Variants in C15orf39 observed in about 807,000 individuals in gnomAD.
The protein encoded by C15orf39 is uncharacterized protein C15orf39.
In C15orf39, 24 loss-of-function variants were observed where a neutral mutation model predicts 53.9. The ratio of observed to expected loss-of-function variants is 0.45; its 90% CI spans 0.32 to 0.63. The LOEUF is 0.63. Ranked by LOEUF, C15orf39 falls within the 20% of genes least tolerant of loss-of-function variation. C15orf39 has a pLI of 0.04. For synonymous variants in C15orf39, 569 were observed against 576.5 expected, an observed-to-expected ratio of 0.99 and a Z score of 0.19; for missense variants, 1,271 against 1,347.9, an observed-to-expected ratio of 0.94 and a Z score of 0.89.
chr15:75,209,737 C>G (rs1197940628), intron 2 of C15orf39: 2 of 152,218 alleles, frequency 1.3e-5, no homozygotes, highest in African/African-American at 4.8e-5. Flanking sequence ...TCCACCCTCT[C>G]CCATTTCCAC....
Position 75,211,121 on chromosome 15 carries a change from G to C in C15orf39, c.*5G>C. Reference sequence around the variant, plus strand: ...AGCCAGAGCCATCACCTGTAGCACTGGTTGCCAGTGCTGTGTGTATAGCAG... The same window carrying C: ...AGCCAGAGCCATCACCTGTAGCACTCGTTGCCAGTGCTGTGTGTATAGCAG... On this transcript the variant is annotated 3_prime_UTR_variant, in exon 3 of 3. Coordinates refer to ENST00000394987, the MANE Select transcript of C15orf39 (RefSeq NM_015492.5). The C allele has an allele frequency of 6.3e-7, 1 of 1,591,196 alleles. No homozygotes were observed. The highest frequency in any genetic ancestry group is 8.5e-7 in the Non-Finnish European group (1 of 1,175,074).
In C15orf39 at chr15:75,207,463, C is replaced by A. The variant is rs759877273; in HGVS notation, c.1415C>A (p.Thr472Asn). 2 of 1,613,302 alleles carry A rather than the reference C, an allele frequency of 1.2e-6. No homozygotes were observed. Among genetic ancestry groups the A allele is most frequent in the South Asian group, 1.1e-5 (1 of 91,050 alleles). Residue 472 changes from threonine to asparagine, a missense_variant, in exon 2 of 3, where the codon ACC becomes AAC. Physicochemically the swap from Thr to Asn is moderately conservative, Grantham distance 65. Around this residue, in one of 2 missense-constraint regions of C15orf39, gnomAD observed 994 missense variants for 993.7 expected, o/e 1.00. Coordinates refer to ENST00000394987, the MANE Select transcript of C15orf39 (RefSeq NM_015492.5). ...ATCCGAGACAGTCCAGTTCCCTGTACCCCCCCAGCACTGCCCCCCTGTGCC... is the reference window on the plus strand; with the variant it reads ...ATCCGAGACAGTCCAGTTCCCTGTAACCCCCCAGCACTGCCCCCCTGTGCC... Reference protein sequence around the residue: ...IVIRDSPVPCTPPALPPCARE... With the variant: ...IVIRDSPVPCNPPALPPCARE...
In C15orf39 at chr15:75,210,852, G is replaced by T. The variant is rs148950652; in HGVS notation, c.2880G>T (p.Lys960Asn). ...TGGCTCAGAAGTCACCGGCCCCCAA[G>T]GTCAGGAAGCCAGGCAGGAAGCCAC... The part of the protein sequence containing the change: ...LALAQKSPAP[K>N]VRKPGRKPPT... Residue 960 changes from lysine to asparagine, a missense_variant, in exon 3 of 3, where the codon AAG (lysine) becomes AAT (asparagine). Physicochemically the swap from Lys to Asn is moderately conservative, Grantham distance 94. Around this residue, in one of 2 missense-constraint regions of C15orf39, gnomAD observed 277 missense variants for 354.1 expected, o/e 0.78. Transcript: ENST00000394987. The T allele has an allele frequency of 1.3e-4, 216 of 1,613,892 alleles. 1 individual carries two copies. In the African/African-American group the frequency reaches 2.5e-3, roughly 19 times the overall value.
At chr15:75,202,858 G>T (rs2141594871) in intron 1 of C15orf39, among the ~76,000 whole-genome samples, 1 of 152,394 alleles carries the variant, frequency 6.6e-6, no homozygotes, top group East Asian at 1.9e-4. Context: ...CGCCGGGAGG[G>T]GCTTGGGGAC....
In C15orf39 at chr15:75,208,670, G is replaced by A; in HGVS notation, c.2622G>A (p.Arg874=). Residue 874 remains arginine (R), a synonymous_variant, in exon 2 of 3, where the codon CGG becomes CGA. Coordinates refer to ENST00000394987, the MANE Select transcript of C15orf39 (RefSeq NM_015492.5). Reference sequence around the variant, plus strand: ...TGCAGGAGCATCGTGTGGAGCTGCGGCCCACCACGCTGTCGGAGGAGCGGG... The same window carrying A: ...TGCAGGAGCATCGTGTGGAGCTGCGACCCACCACGCTGTCGGAGGAGCGGG... ...HVLQEHRVEL[R]PTTLSEERAL... is the part of the protein sequence containing the mutation. The A allele has an allele frequency of 6.2e-7, 1 of 1,607,072 alleles. No individual in the cohort carries two copies. The highest frequency in any genetic ancestry group is 8.5e-7 in the Non-Finnish European group (1 of 1,178,594).
chr15:75,211,206 G>A lies in C15orf39; in HGVS notation c.*90G>A. On this transcript the variant is annotated 3_prime_UTR_variant, in exon 3 of 3. Transcript: ENST00000394987. The stretch of plus-strand genomic sequence containing the variant: ...GCCCCGGGGCCACGAGTGGATGCTG[G>A]GGCTGTGGCTGCTCCCCTGGAGGGG... 1 of 1,490,318 alleles carries A rather than the reference G, an allele frequency of 6.7e-7. No individual in the cohort carries two copies. Among genetic ancestry groups the A allele is most frequent in the Non-Finnish European group, 8.9e-7 (1 of 1,120,420 alleles). 92.3% of individuals were successfully genotyped at this position (1,490,318 alleles called of 1,614,324 possible).
rs2070486680 is a variant in C15orf39 at position 75,211,932 on chromosome 15, G to A, written c.*816G>A. Reference sequence around the variant, plus strand: ...GAAGCTAAGCAGCTGCTGGGACTCAGGGACTGGTGCAGGTAGGCTGAGTGG... The same window carrying A: ...GAAGCTAAGCAGCTGCTGGGACTCAAGGACTGGTGCAGGTAGGCTGAGTGG... On this transcript the variant is annotated 3_prime_UTR_variant, in exon 3 of 3. Coordinates refer to ENST00000394987, the MANE Select transcript of C15orf39 (RefSeq NM_015492.5). 6.6e-6 allele frequency: 1 copy of A among 152,368 alleles called. No homozygotes were observed. Among genetic ancestry groups the A allele is most frequent in the South Asian group, 2.1e-4 (1 of 4,832 alleles). The allele number at this position is 152,368 out of a possible 1,614,324, so 9.4% of individuals were successfully genotyped here. A position where few individuals can be genotyped will look rare whatever the true frequency, so the allele number is the denominator to read the frequency against.
At position 75,204,286 on chromosome 15, in the gene C15orf39, G is replaced by A. The variant is rs539540749; in HGVS notation, c.-50-1713G>A. Among the ~76,000 whole-genome samples the A allele has an allele frequency of 8.5e-5, 13 of 152,338 alleles. No individual in the cohort carries two copies. The South Asian group carries it at 2.7e-3, about 32-fold the overall frequency. On this transcript the variant is annotated intron_variant, in intron 1 of 2. Transcript: ENST00000394987. ...TAGGTCAGTGTGGCCCCAGAAGACA[G>A]GCTTCAGATGAGCCCCTAACGGGTT...
At chr15:75,205,545 C>CAGT (rs1595954466) in intron 1 of C15orf39, among the ~76,000 whole-genome samples, 1 of 152,040 alleles carries the variant, frequency 6.6e-6, no homozygotes, top group East Asian at 1.9e-4. Flanking sequence ...GGGTCAGGAG[C>CAGT]AGTAGGTGGT....
intron 1 of C15orf39, among the ~76,000 whole-genome samples, chr15:75,204,674 A>AT (rs904332355): frequency 6.6e-6 from 1 of 151,976 alleles, no homozygotes; most frequent in African/African-American, 2.4e-5. Flanking sequence ...TGCCTGGCTA[A>AT]TTTTTTTGTA....
chr15:75,209,768 G>A (rs1156924096), intron 2 of C15orf39, among the ~76,000 whole-genome samples: 1 of 152,128 alleles, frequency 6.6e-6, no homozygotes, highest in African/African-American at 2.4e-5. Flanking sequence ...CTTCCCTGTA[G>A]AAACTGTTCC....
Position 75,208,100 on chromosome 15 carries a change from C to T in C15orf39, c.2052C>T (p.Pro684=), listed in dbSNP as rs769727621. 1 of 1,614,154 alleles carries T rather than the reference C, an allele frequency of 6.2e-7. No homozygotes were observed. Residue 684 remains proline (P), a synonymous_variant, in exon 2 of 3, where the codon CCC becomes CCT. Transcript: ENST00000394987. The part of the protein sequence containing the change: ...APAPTQPAPT[P]TSGPIGLRIL... ...CTCCCACACAGCCTGCACCCACCCC[C>T]ACATCTGGGCCCATTGGACTGCGGA...
At chr15:75,199,982 G>A (rs987062524), upstream of C15orf39, among the ~76,000 whole-genome samples, 1 of 152,176 alleles carries the variant, frequency 6.6e-6, no homozygotes, top group Non-Finnish European at 1.5e-5. Context: ...TTGGTATAGG[G>A]AGGAAAATGG....
chr15:75,207,239 A>G lies in C15orf39; in HGVS notation c.1191A>G (p.Thr397=). Residue 397 remains threonine, a synonymous_variant, in exon 2 of 3, where the codon ACA becomes ACG. Transcript: ENST00000394987. ...GAGCATCCCCTGGGCTTGGAGGGAC[A>G]CCACCTTCCCAGAACAATGTGCGGG... ...LYGASPGLGG[T]PPSQNNVRAV... is the part of the protein sequence containing the mutation. The G allele has an allele frequency of 1.9e-6, 3 of 1,613,588 alleles. No homozygotes were observed.
rs1346787723 is a variant in C15orf39, at chr15:75,207,937, G to A, written c.1889G>A (p.Gly630Glu). 2 of 1,613,690 alleles carry A rather than the reference G, an allele frequency of 1.2e-6. No individual in the cohort carries two copies. The highest frequency in any genetic ancestry group is 1.3e-5 in the African/African-American group (1 of 74,928). Residue 630 changes from glycine (G) to glutamate (E), a missense_variant, in exon 2 of 3, where the codon GGG (glycine) becomes GAG (glutamate). Coordinates refer to ENST00000394987, the MANE Select transcript of C15orf39 (RefSeq NM_015492.5). ...KIDTEAPGLP[G>E]VPVTTDAMPR... Reference sequence around the variant, plus strand: ...GACACAGAAGCACCAGGCTTGCCTGGGGTGCCAGTGACCACAGATGCCATG... The same window carrying A: ...GACACAGAAGCACCAGGCTTGCCTGAGGTGCCAGTGACCACAGATGCCATG...
Position 75,207,083 on chromosome 15 carries a change from C to T in C15orf39, c.1035C>T (p.Tyr345=). Residue 345 remains tyrosine, a synonymous_variant, in exon 2 of 3, where the codon TAC becomes TAT. Coordinates refer to ENST00000394987, the MANE Select transcript of C15orf39 (RefSeq NM_015492.5). ...IPPLGLDAYP[Y]PSAPLPAPSP... ...CACTGGGGCTGGACGCTTACCCCTA[C>T]CCCTCTGCCCCTCTCCCAGCACCCT... 6.2e-7 allele frequency: 1 copy of T among 1,612,350 alleles called. No homozygotes were observed. Among genetic ancestry groups the T allele is most frequent in the Non-Finnish European group, 8.5e-7 (1 of 1,179,460 alleles).
Position 75,206,273 on chromosome 15 carries a change from C to G in C15orf39, c.225C>G (p.Thr75=). 1.2e-6 allele frequency: 2 copies of G among 1,614,092 alleles called. No individual in the cohort carries two copies. Among genetic ancestry groups the G allele is most frequent in the Non-Finnish European group, 1.7e-6 (2 of 1,179,974 alleles). ...CCCCATACCCACCCTTGTACTCTACCGGTATGGCAGGACCCCCACTTCAGG... is the reference window on the plus strand; with the variant it reads ...CCCCATACCCACCCTTGTACTCTACGGGTATGGCAGGACCCCCACTTCAGG... ...SWTPYPPLYS[T]GMAGPPLQAD... Residue 75 remains threonine, a synonymous_variant, in exon 2 of 3, where the codon ACC becomes ACG. Transcript: ENST00000394987.
Position 75,211,013 on chromosome 15 carries a change from G to C in C15orf39, c.3041G>C (p.Trp1014Ser). 1 of 1,611,518 alleles carries C rather than the reference G, an allele frequency of 6.2e-7. No homozygotes were observed. Among genetic ancestry groups the C allele is most frequent in the African/African-American group, 1.3e-5 (1 of 75,044 alleles). Residue 1014 changes from tryptophan (W) to serine (S), a missense_variant, in exon 3 of 3, where the codon TGG (tryptophan) becomes TCG (serine). By Grantham distance (177) the Trp-to-Ser change is radical. Transcript: ENST00000394987. ...TTCCGCAGTCTGCTGGAGACCGCCT[G>C]GCTCAATGGCCTGGCTCTGCCCACC... ...ARFRSLLETAWLNGLALPTWG... is the reference protein window; with the variant it reads ...ARFRSLLETASLNGLALPTWG...
chr15:75,207,058 C>T lies in C15orf39; in HGVS notation c.1010C>T (p.Pro337Leu). 2.5e-6 allele frequency: 4 copies of T among 1,610,274 alleles called. No individual in the cohort carries two copies. The highest frequency in any genetic ancestry group is 1.1e-5 in the South Asian group (1 of 90,596). ...GCAGCCCAGGCACCTTACATTCCCC[C>T]ACTGGGGCTGGACGCTTACCCCTAC... is the stretch of plus-strand genomic sequence containing the variant. ...QQAAQAPYIP[P>L]LGLDAYPYPS... The change falls in exon 2 of 3, where the codon CCA (proline) becomes CTA (leucine). Residue 337 changes from proline (P) to leucine (L), a missense_variant. Physicochemically the swap from Pro to Leu is moderately conservative, Grantham distance 98. Transcript: ENST00000394987.
Sources: allele counts gnomAD v4.1 joint callset (sites outside exome capture counted in the v4.1 genomes callset), GRCh38; gene constraint gnomAD v4.1.1; regional missense constraint gnomAD v4.1.1; transcripts MANE v1.5; gene names NCBI Gene and HGNC (gene_info 2026-07-23, HGNC 2026-07-21).